EFTUD2: variants seen among roughly 807,000 people sequenced by gnomAD.
EFTUD2 encodes the protein elongation factor Tu GTP binding domain containing 2.
Under a neutral mutation model 114.3 loss-of-function variants are expected in EFTUD2, and 9 were observed. The ratio of observed to expected loss-of-function variants is 0.08; its 90% confidence interval spans 0.05 to 0.14. The LOEUF (loss-of-function observed/expected upper bound fraction) is 0.14, where lower values mean the gene tolerates loss of function less well. Ranked by LOEUF, EFTUD2 falls within the 10% of genes least tolerant of loss-of-function variation. The pLI, the probability that EFTUD2 is intolerant of heterozygous loss-of-function variation, is 1.00. For missense variants in EFTUD2, 765 were observed against 1,241.2 expected (o/e 0.62, Z 5.76); for synonymous variants, 449 against 462.3 (o/e 0.97, Z 0.37).
intron 19 of EFTUD2, 55 bp downstream of exon 19, chr17:44,859,025 G>A: frequency 8.7e-7 from 1 of 1,155,004 alleles, no homozygotes; most frequent in South Asian, 1.2e-5. Flanking sequence ...CAAGGATTTG[G>A]TCACTTGTGA....
rs1179022833 is a variant in EFTUD2, at chr17:44,854,873, C to T, written c.2132+45G>A. ...TAGAGACCCGGCAGTTAAACTGTGGCATCCCTGCCTCCTTTCGACCCTGGC... is the reference window on the plus strand; with the variant it reads ...TAGAGACCCGGCAGTTAAACTGTGGTATCCCTGCCTCCTTTCGACCCTGGC... On this transcript the variant is annotated intron_variant, in intron 21 of 27. Coordinates refer to ENST00000426333, the MANE Select transcript of EFTUD2 (RefSeq NM_004247.4). This position sits in a 1 kb window ranked among gnomAD's most constrained non-coding sequence, Gnocchi z 4.3. 6.3e-7 allele frequency: 1 copy of T among 1,591,812 alleles called. No individual in the cohort carries two copies. Among genetic ancestry groups the T allele is most frequent in the Non-Finnish European group, 8.6e-7 (1 of 1,160,022 alleles).
In EFTUD2 at chr17:44,853,600, C is replaced by A; in HGVS notation, c.2383G>T (p.Val795Leu). The stretch of plus-strand genomic sequence containing the variant: ...CGGTGCAGGGGCTCCTGGGCAACCA[C>A]CGCATCCAGGATCTTAAACTTGACA... ...RNVKFKILDA[V>L]VAQEPLHRGG... The change falls in exon 24 of 28, where the codon GTG (valine) becomes TTG (leucine). Residue 795 changes from valine to leucine, a missense_variant. By Grantham distance (32) the Val-to-Leu change is conservative. Around this residue, in one of 6 missense-constraint regions of EFTUD2, gnomAD observed 166 missense variants for 401.5 expected, o/e 0.41. Transcript: ENST00000426333. The A allele has an allele frequency of 6.2e-7, 1 of 1,614,214 alleles. No individual in the cohort carries two copies. Among genetic ancestry groups the A allele is most frequent in the East Asian group, 2.2e-5 (1 of 44,884 alleles).
At chr17:44,883,439 A>G in intron 5 of EFTUD2, 1 of 612,794 alleles carries the variant, frequency 1.6e-6, no homozygotes, top group Non-Finnish European at 2.9e-6. Flanking sequence ...CATAAGGCTC[A>G]GGCATGCAAG....
At position 44,853,505 on chromosome 17, in the gene EFTUD2, C is replaced by T. The variant is rs774925511; in HGVS notation, c.2466+12G>A. On this transcript the variant is annotated intron_variant, in intron 24 of 27. Transcript: ENST00000426333. ...GTGAAGCAGATGGTCCCCTACCGCC[C>T]CATTCTCTTACCATGAGGAAGGCAG... 6.2e-7 allele frequency: 1 copy of T among 1,613,984 alleles called. No individual in the cohort carries two copies. The highest frequency in any genetic ancestry group is 1.1e-5 in the South Asian group (1 of 91,078).
At position 44,854,834 on chromosome 17, in the gene EFTUD2, A is replaced by G. The variant is rs745394259; in HGVS notation, c.2132+84T>C. The stretch of plus-strand genomic sequence containing the variant: ...GGCAAAGACATAAATGCTCCCCAGA[A>G]AGATGTGTGCTCTTAGAGACCCGGC... On this transcript the variant is annotated intron_variant, in intron 21 of 27. Coordinates refer to ENST00000426333, the MANE Select transcript of EFTUD2 (RefSeq NM_004247.4). This position sits in a 1 kb window ranked among gnomAD's most constrained non-coding sequence, Gnocchi z 4.3. 2.5e-5 allele frequency: 39 copies of G among 1,564,218 alleles called. No individual in the cohort carries two copies. The highest frequency in any genetic ancestry group is 3.3e-5 in the Non-Finnish European group (37 of 1,136,256).
chr17:44,854,110 G>A lies in EFTUD2; in HGVS notation c.2347+159C>T. On this transcript the variant is annotated intron_variant, in intron 23 of 27. Coordinates refer to ENST00000426333, the MANE Select transcript of EFTUD2 (RefSeq NM_004247.4). The surrounding 1 kb of genome is among the most constrained non-coding windows in gnomAD (Gnocchi z 4.3). The stretch of plus-strand genomic sequence containing the variant: ...TTTCCAGGCTACACCACCAGGATAA[G>A]GAAGGAAAAGGGAAGAAGCTGGCCC... The A allele has an allele frequency of 2.1e-6, 3 of 1,434,292 alleles. No homozygotes were observed. Among genetic ancestry groups the A allele is most frequent in the Non-Finnish European group, 2.8e-6 (3 of 1,085,838 alleles). The allele number at this position is 1,434,292 out of a possible 1,614,324, so 88.8% of individuals were successfully genotyped here.
chr17:44,863,896 G>T, intron 14 of EFTUD2, 114 bp from the exon 15 acceptor site: 9 of 1,369,966 alleles, frequency 6.6e-6, no homozygotes, highest in South Asian at 1.4e-5. Flanking sequence ...CTGATTGTTA[G>T]CTCTAAAAGC....
chr17:44,885,599 G>A (rs2051156149), intron 3 of EFTUD2, among the ~76,000 whole-genome samples: 1 of 152,082 alleles, frequency 6.6e-6, no homozygotes, highest in Non-Finnish European at 1.5e-5. Context: ...GTAGGTTGAG[G>A]TCAATGTCAG....
chr17:44,873,670 C>A (rs1030688911), intron 10 of EFTUD2, among the ~76,000 whole-genome samples: 2 of 150,546 alleles, frequency 1.3e-5, no homozygotes, highest in Non-Finnish European at 3.0e-5. Context: ...AGGTTTGAAA[C>A]ATGACCTCTT....
chr17:44,861,590 G>A (rs920223917), intron 16 of EFTUD2, among the ~76,000 whole-genome samples: 2 of 151,732 alleles, frequency 1.3e-5, no homozygotes, highest in African/African-American at 4.8e-5. Flanking sequence ...AAAATTAGCT[G>A]GGCATGGTGG....
At chr17:44,860,370 C>T in intron 17 of EFTUD2, 62 bp downstream of exon 17, 3 of 1,161,308 alleles carry the variant, frequency 2.6e-6, no homozygotes, top group Admixed American at 3.4e-5. Flanking sequence ...CGTTTGTGCT[C>T]ATGTGTGTCC....
chr17:44,882,871 C>T (rs1246327070), intron 6 of EFTUD2, among the ~76,000 whole-genome samples: 1 of 152,128 alleles, frequency 6.6e-6, no homozygotes, highest in African/African-American at 2.4e-5. Context: ...ATCCCAAGTG[C>T]AAAATGGATC....
intron 10 of EFTUD2, among the ~76,000 whole-genome samples, chr17:44,874,245 A>G (rs1161388578): frequency 1.3e-5 from 2 of 150,928 alleles, no homozygotes; most frequent in Non-Finnish European, 3.0e-5. Flanking sequence ...GAGTCTAGCT[A>G]TGTTGCCCAG....
intron 14 of EFTUD2, chr17:44,864,160 C>T (rs778777965): frequency 1.1e-5 from 2 of 181,356 alleles, no homozygotes; most frequent in Non-Finnish European, 2.3e-5. Context: ...TTGAGAAACA[C>T]TGCATGCATC....
intron 2 of EFTUD2, among the ~76,000 whole-genome samples, chr17:44,889,078 G>A (rs567471249): frequency 3.0e-4 from 45 of 152,178 alleles, no homozygotes; most frequent in Non-Finnish European, 4.8e-4. Flanking sequence ...AGAAGGGATG[G>A]TCAGTGCGGA....
intron 1 of EFTUD2, among the ~76,000 whole-genome samples, chr17:44,895,161 A>C (rs1318984409): frequency 6.6e-6 from 1 of 152,268 alleles, no homozygotes; most frequent in Admixed American, 6.5e-5. Flanking sequence ...ATACATGAAA[A>C]TTAATTATAA....
intron 11 of EFTUD2, 80 bp from the exon 12 acceptor site, chr17:44,868,430 A>G: frequency 7.1e-7 from 1 of 1,401,324 alleles, no homozygotes; most frequent in Non-Finnish European, 1.0e-6. Context: ...CAGGTGGTTC[A>G]TAGCTGAGAA....
At chr17:44,852,675 G>T in intron 25 of EFTUD2, 113 bp from the exon 26 acceptor site, 4 of 1,285,440 alleles carry the variant, frequency 3.1e-6, no homozygotes, top group Non-Finnish European at 4.3e-6. Context: ...TACCATCAAA[G>T]AAAGAGTAAC....
chr17:44,873,274 G>A (rs2050887250), intron 10 of EFTUD2: 1 of 152,134 alleles, frequency 6.6e-6, no homozygotes, highest in South Asian at 2.1e-4. Context: ...AGAGGCAACT[G>A]CTTTCAACAC....
Sources: gnomAD v4.1 joint callset for allele counts (sites outside exome capture counted in the v4.1 genomes callset) on GRCh38, gnomAD v4.1.1 for gene constraint, gnomAD v4.1.1 regional missense constraint, Gnocchi (gnomAD v3.1) non-coding constraint, MANE v1.5 for transcripts, NCBI Gene and HGNC (gene_info 2026-07-23, HGNC 2026-07-21) for gene names.